Variants in SYDE1 observed in about 807,000 individuals in gnomAD.
The protein encoded by SYDE1 is synapse defective Rho GTPase activating protein 1, also known as rho GTPase-activating protein SYDE1.
Under a neutral mutation model 63.3 loss-of-function variants are expected in SYDE1, and 34 were observed. The observed-to-expected ratio is 0.54, with a 90% CI of 0.41 to 0.71. The LOEUF is 0.71. SYDE1 is among the 30% of genes least tolerant of loss of function. The pLI is 0.00. For synonymous variants in SYDE1, 467 were observed against 473.4 expected (o/e 0.99, Z 0.18); for missense variants, 925 against 1,042.5 (o/e 0.89, Z 1.55).
At position 15,110,013 on chromosome 19, in the gene SYDE1, C is replaced by T; in HGVS notation, c.740C>T (p.Ser247Phe). 6.7e-7 allele frequency: 1 copy of T among 1,503,074 alleles called. No homozygotes were observed. Among genetic ancestry groups the T allele is most frequent in the Non-Finnish European group, 8.8e-7 (1 of 1,134,180 alleles). 93.1% of individuals were successfully genotyped at this position (1,503,074 alleles called of 1,614,324 possible). The change falls in exon 3 of 8, where the codon TCC (serine) becomes TTC (phenylalanine). Residue 247 changes from serine (S) to phenylalanine (F), a missense_variant. By Grantham distance (155) the Ser-to-Phe change is radical. This residue lies in a region of SYDE1 where 599 missense variants were observed against 653.7 expected (regional missense o/e 0.92). Coordinates refer to ENST00000342784, the MANE Select transcript of SYDE1 (RefSeq NM_033025.6). The surrounding 1 kb of genome is among the most constrained non-coding windows in gnomAD (Gnocchi z 6.9). ...ERPAGPPSPT[S>F]FRPYEVGPAA... ...CCAGCTGGGCCCCCATCACCCACCT[C>T]CTTCCGGCCCTACGAGGTGGGTCCC...
chr19:15,109,757 C>A lies in SYDE1; in HGVS notation c.484C>A (p.Pro162Thr), dbSNP rs1263075586. 4.6e-6 allele frequency: 7 copies of A among 1,537,340 alleles called. No homozygotes were observed. Among genetic ancestry groups the A allele is most frequent in the South Asian group, 1.2e-5 (1 of 83,858 alleles). Residue 162 changes from proline to threonine, a missense_variant, in exon 3 of 8, where the codon CCC becomes ACC. This residue lies in a region of SYDE1 where 599 missense variants were observed against 653.7 expected (regional missense o/e 0.92). Transcript: ENST00000342784. The surrounding 1 kb of genome is among the most constrained non-coding windows in gnomAD (Gnocchi z 5.0). ...TKASRTKSPG[P>T]ARRLSIKMKK... ...AGCCTCCCGCACCAAGTCCCCGGGC[C>A]CCGCCAGGCGCCTCTCCATAAAGAT... is the stretch of plus-strand genomic sequence containing the variant.
Position 15,111,944 on chromosome 19 carries a change from T to G in SYDE1, c.1578+152T>G. On this transcript the variant is annotated intron_variant, in intron 6 of 7. Coordinates refer to ENST00000342784, the MANE Select transcript of SYDE1 (RefSeq NM_033025.6). This position sits in a 1 kb window ranked among gnomAD's most constrained non-coding sequence, Gnocchi z 5.5. ...CTATTAGCATCCCACTTCATAGATTTGGAAACTGAGGCCCAAAGCAGGTGA... is the reference window on the plus strand; with the variant it reads ...CTATTAGCATCCCACTTCATAGATTGGGAAACTGAGGCCCAAAGCAGGTGA... 1.2e-6 allele frequency: 1 copy of G among 860,362 alleles called. No individual in the cohort carries two copies. The highest frequency in any genetic ancestry group is 2.0e-5 in the South Asian group (1 of 50,864). 53.3% of individuals were successfully genotyped at this position (860,362 alleles called of 1,614,324 possible).
chr19:15,110,948 C>T lies in SYDE1; in HGVS notation c.1290+213C>T, dbSNP rs1191050830. Among the ~76,000 whole-genome samples the T allele has an allele frequency of 1.3e-5, 2 of 152,162 alleles. No individual in the cohort carries two copies. Among genetic ancestry groups the T allele is most frequent in the African/African-American group, 2.4e-5 (1 of 41,434 alleles). ...TTGATTTAAAAACAGGATCCAAGCC[C>T]TCCTGGGGCTCAGAGTCTGATGGGG... On this transcript the variant is annotated intron_variant, in intron 4 of 7. Coordinates refer to ENST00000342784, the MANE Select transcript of SYDE1 (RefSeq NM_033025.6). The surrounding 1 kb of genome is among the most constrained non-coding windows in gnomAD (Gnocchi z 6.9).
chr19:15,111,497 GCCTTGGGGCT>G lies in SYDE1; in HGVS notation c.1417+62_1417+71del. ...CCCCCATTCAATGCCTCACTTCAAG[GCCTTGGGGCT>G]CCTCTGGGACCTCAGTCCTCCTATC... On this transcript the variant is annotated intron_variant, in intron 5 of 7. Transcript: ENST00000342784. The surrounding 1 kb of genome is among the most constrained non-coding windows in gnomAD (Gnocchi z 5.5). 6.2e-7 allele frequency: 1 copy of G among 1,605,438 alleles called. No homozygotes were observed. Among genetic ancestry groups the G allele is most frequent in the Non-Finnish European group, 8.5e-7 (1 of 1,174,168 alleles).
rs1438365048 is a variant in SYDE1, at chr19:15,110,467, C to T, written c.1076-54C>T. 1 of 1,516,158 alleles carries T rather than the reference C, an allele frequency of 6.6e-7. No individual in the cohort carries two copies. The allele number at this position is 1,516,158 out of a possible 1,614,324, so 93.9% of individuals were successfully genotyped here. A position where few individuals can be genotyped will look rare whatever the true frequency, so the allele number is the denominator to read the frequency against. On this transcript the variant is annotated intron_variant, in intron 3 of 7. Coordinates refer to ENST00000342784, the MANE Select transcript of SYDE1 (RefSeq NM_033025.6). This position sits in a 1 kb window ranked among gnomAD's most constrained non-coding sequence, Gnocchi z 6.9. ...AAGGTGTGGCCTGGAGCAGCGAGGCCAGGGTACATGAAGCTTCAGAGCACA... is the reference window on the plus strand; with the variant it reads ...AAGGTGTGGCCTGGAGCAGCGAGGCTAGGGTACATGAAGCTTCAGAGCACA...
chr19:15,112,243 G>C (rs2046349746), intron 6 of SYDE1, 103 bp from the exon 7 acceptor site: 4 of 704,106 alleles, frequency 5.7e-6, no homozygotes, highest in South Asian at 3.7e-5. Flanking sequence ...CCAGCTATGA[G>C]ACTGTGAACC....
intron 1 of SYDE1, 78 bp downstream of exon 1, chr19:15,107,599 A>G (rs1201722977): frequency 2.0e-6 from 2 of 1,004,608 alleles, no homozygotes; most frequent in Non-Finnish European, 2.8e-6. Context: ...CCCCGAGGAC[A>G]GACGGTGGGG....
chr19:15,108,067 AC>A lies in SYDE1; in HGVS notation c.88+547del, dbSNP rs1191120265. On this transcript the variant is annotated intron_variant, in intron 1 of 7. Coordinates refer to ENST00000342784, the MANE Select transcript of SYDE1 (RefSeq NM_033025.6). This position sits in a 1 kb window ranked among gnomAD's most constrained non-coding sequence, Gnocchi z 4.3. The stretch of plus-strand genomic sequence containing the variant: ...TTTATACAGATGGGGAAACTGAGGC[AC>A]GGAGCAATTGGGTCATGTGCCCAGG... Among the ~76,000 whole-genome samples, 1 of 152,204 alleles carries A rather than the reference AC, an allele frequency of 6.6e-6. No homozygotes were observed. The highest frequency in any genetic ancestry group is 1.5e-5 in the Non-Finnish European group (1 of 68,038).
Position 15,108,890 on chromosome 19 carries a change from G to A in SYDE1, c.89-166G>A. Reference sequence around the variant, plus strand: ...TCTAAGCTGATAACTGAGATCGCTAGCCTGTGGCTGCCTATTCCAAACAAA... The same window carrying A: ...TCTAAGCTGATAACTGAGATCGCTAACCTGTGGCTGCCTATTCCAAACAAA... On this transcript the variant is annotated intron_variant, in intron 1 of 7. Coordinates refer to ENST00000342784, the MANE Select transcript of SYDE1 (RefSeq NM_033025.6). The surrounding 1 kb of genome is among the most constrained non-coding windows in gnomAD (Gnocchi z 4.3). 3.5e-6 allele frequency: 4 copies of A among 1,130,422 alleles called. No homozygotes were observed. The highest frequency in any genetic ancestry group is 2.0e-5 in the South Asian group (1 of 50,372). The allele number at this position is 1,130,422 out of a possible 1,614,324, so 70.0% of individuals were successfully genotyped here. A position where few individuals can be genotyped will look rare whatever the true frequency, so the allele number is the denominator to read the frequency against.
chr19:15,108,944 T>A lies in SYDE1; in HGVS notation c.89-112T>A. 1 of 1,406,542 alleles carries A rather than the reference T, an allele frequency of 7.1e-7. No homozygotes were observed. The highest frequency in any genetic ancestry group is 9.2e-7 in the Non-Finnish European group (1 of 1,083,298). 87.1% of individuals were successfully genotyped at this position (1,406,542 alleles called of 1,614,324 possible). ...GCAGGATCCAAGGAACCATGACTTA[T>A]CAGGGGCCGGCCAGGGCCGTACACA... is the stretch of plus-strand genomic sequence containing the variant. On this transcript the variant is annotated intron_variant, in intron 1 of 7. Coordinates refer to ENST00000342784, the MANE Select transcript of SYDE1 (RefSeq NM_033025.6). This position sits in a 1 kb window ranked among gnomAD's most constrained non-coding sequence, Gnocchi z 4.3.
At position 15,109,154 on chromosome 19, in the gene SYDE1, G is replaced by A. The variant is rs1467227994; in HGVS notation, c.187G>A (p.Ala63Thr). 2 of 1,552,354 alleles carry A rather than the reference G, an allele frequency of 1.3e-6. No homozygotes were observed. The highest frequency in any genetic ancestry group is 2.0e-5 in the Admixed American group (1 of 51,038). The change falls in exon 2 of 8, where the codon GCA becomes ACA. Residue 63 changes from alanine to threonine, a missense_variant. Transcript: ENST00000342784. The surrounding 1 kb of genome is among the most constrained non-coding windows in gnomAD (Gnocchi z 5.0). ...AGCAGAGGGGCCCTCCAGCCCCGAG[G>A]CATCAAGGAGCCCTGCACGGGGAGC... The part of the protein sequence containing the change: ...AGAEGPSSPE[A>T]SRSPARGAYL...
At position 15,111,901 on chromosome 19, in the gene SYDE1, A is replaced by G; in HGVS notation, c.1578+109A>G. The G allele has an allele frequency of 8.8e-7, 1 of 1,133,050 alleles. No individual in the cohort carries two copies. Among genetic ancestry groups the G allele is most frequent in the South Asian group, 1.7e-5 (1 of 60,274 alleles). 70.2% of individuals were successfully genotyped at this position (1,133,050 alleles called of 1,614,324 possible). A position where few individuals can be genotyped will look rare whatever the true frequency, so the allele number is the denominator to read the frequency against. ...GGGCATGAGCTGGCAGCATCATCAT[A>G]TCCCCAAGAAATAGGTGCTATTAGC... is the stretch of plus-strand genomic sequence containing the variant. On this transcript the variant is annotated intron_variant, in intron 6 of 7. Transcript: ENST00000342784. This position sits in a 1 kb window ranked among gnomAD's most constrained non-coding sequence, Gnocchi z 5.5.
At position 15,110,580 on chromosome 19, in the gene SYDE1, C is replaced by G. The variant is rs779245333; in HGVS notation, c.1135C>G (p.Leu379Val). Reference sequence around the variant, plus strand: ...GCCTCAGGGGCTGCTGTATGCCAAGCTGACCCTGTCGGAGCAGCAGGAAGC... The same window carrying G: ...GCCTCAGGGGCTGCTGTATGCCAAGGTGACCCTGTCGGAGCAGCAGGAAGC... ...LEPQGLLYAK[L>V]TLSEQQEAPA... The change falls in exon 4 of 8, where the codon CTG (leucine) becomes GTG (valine). Residue 379 changes from leucine (L) to valine (V), a missense_variant. Coordinates refer to ENST00000342784, the MANE Select transcript of SYDE1 (RefSeq NM_033025.6). The surrounding 1 kb of genome is among the most constrained non-coding windows in gnomAD (Gnocchi z 6.9). 3 of 1,597,666 alleles carry G rather than the reference C, an allele frequency of 1.9e-6. No individual in the cohort carries two copies. Among genetic ancestry groups the G allele is most frequent in the Admixed American group, 3.4e-5 (2 of 58,680 alleles).
At position 15,109,710 on chromosome 19, in the gene SYDE1, C is replaced by A. The variant is rs969260991; in HGVS notation, c.437C>A (p.Ala146Asp). The change falls in exon 3 of 8, where the codon GCC (alanine) becomes GAC (aspartate). Residue 146 changes from alanine (A) to aspartate (D), a missense_variant. Physicochemically the swap from Ala to Asp is moderately radical, Grantham distance 126. This residue lies in a region of SYDE1 where 599 missense variants were observed against 653.7 expected (regional missense o/e 0.92). Transcript: ENST00000342784. The surrounding 1 kb of genome is among the most constrained non-coding windows in gnomAD (Gnocchi z 5.0). ...AAGTCTGCTCTCCACACAGGTGCAG[C>A]CCCCGCCAGCCCCCCAACCAAAGCC... ...ESEGLAPQGAAPASPPTKASR... is the reference protein window; with the variant it reads ...ESEGLAPQGADPASPPTKASR... 1.3e-6 allele frequency: 2 copies of A among 1,501,324 alleles called. No individual in the cohort carries two copies. The highest frequency in any genetic ancestry group is 1.8e-6 in the Non-Finnish European group (2 of 1,122,694). 93.0% of individuals were successfully genotyped at this position (1,501,324 alleles called of 1,614,324 possible).
At position 15,109,727 on chromosome 19, in the gene SYDE1, A is replaced by T; in HGVS notation, c.454A>T (p.Thr152Ser). 1 of 1,520,844 alleles carries T rather than the reference A, an allele frequency of 6.6e-7. No homozygotes were observed. The highest frequency in any genetic ancestry group is 1.2e-5 in the South Asian group (1 of 81,686). 94.2% of individuals were successfully genotyped at this position (1,520,844 alleles called of 1,614,324 possible). ...AGGTGCAGCCCCCGCCAGCCCCCCA[A>T]CCAAAGCCTCCCGCACCAAGTCCCC... ...PQGAAPASPP[T>S]KASRTKSPGP... The change falls in exon 3 of 8, where the codon ACC becomes TCC. Residue 152 changes from threonine to serine, a missense_variant. Around this residue, in one of 3 missense-constraint regions of SYDE1, gnomAD observed 599 missense variants for 653.7 expected, o/e 0.92. Coordinates refer to ENST00000342784, the MANE Select transcript of SYDE1 (RefSeq NM_033025.6). The surrounding 1 kb of genome is among the most constrained non-coding windows in gnomAD (Gnocchi z 5.0).
chr19:15,114,274 C>G lies in SYDE1; in HGVS notation c.*311C>G, dbSNP rs1568330798. On this transcript the variant is annotated 3_prime_UTR_variant, in exon 8 of 8. Coordinates refer to ENST00000342784, the MANE Select transcript of SYDE1 (RefSeq NM_033025.6). ...TAGTTCTCGCGCTTGCTAGGCTGGC[C>G]TCTCTTGCCTCCCCTTGGCCGGGGC... is the stretch of plus-strand genomic sequence containing the variant. The G allele has an allele frequency of 1.4e-5, 5 of 359,628 alleles. No individual in the cohort carries two copies. Among genetic ancestry groups the G allele is most frequent in the Admixed American group, 4.5e-5 (1 of 22,318 alleles). The allele number at this position is 359,628 out of a possible 1,614,324, so 22.3% of individuals were successfully genotyped here.
Position 15,109,432 on chromosome 19 carries a change from G to A in SYDE1, c.430+35G>A, listed in dbSNP as rs377399971. On this transcript the variant is annotated intron_variant, in intron 2 of 7. Transcript: ENST00000342784. This position sits in a 1 kb window ranked among gnomAD's most constrained non-coding sequence, Gnocchi z 5.0. Reference sequence around the variant, plus strand: ...AGCTTCCCATCCCCTTCCCCAAGGTGAGCACCAGCTCCACATCCCTTCCCT... The same window carrying A: ...AGCTTCCCATCCCCTTCCCCAAGGTAAGCACCAGCTCCACATCCCTTCCCT... 2.0e-6 allele frequency: 3 copies of A among 1,504,006 alleles called. No homozygotes were observed. Among genetic ancestry groups the A allele is most frequent in the Admixed American group, 2.4e-5 (1 of 42,526 alleles). 93.2% of individuals were successfully genotyped at this position (1,504,006 alleles called of 1,614,324 possible).
At position 15,113,802 on chromosome 19, in the gene SYDE1, A is replaced by G; in HGVS notation, c.2047A>G (p.Ser683Gly). 1.2e-6 allele frequency: 2 copies of G among 1,614,122 alleles called. No individual in the cohort carries two copies. The highest frequency in any genetic ancestry group is 1.3e-5 in the African/African-American group (1 of 75,068). Residue 683 changes from serine (S) to glycine (G), a missense_variant, in exon 8 of 8, where the codon AGC (serine) becomes GGC (glycine). Coordinates refer to ENST00000342784, the MANE Select transcript of SYDE1 (RefSeq NM_033025.6). The stretch of plus-strand genomic sequence containing the variant: ...CTACGACCACGTGACGGGCAGTGAC[A>G]GCGAGGACGAGGACGAGGAGGTCGG... Reference protein sequence around the residue: ...PDYDHVTGSDSEDEDEEVGEP... With the variant: ...PDYDHVTGSDGEDEDEEVGEP...
rs2046351392 is a variant in SYDE1 at position 15,112,454 on chromosome 19, C to T, written c.1687C>T (p.Pro563Ser). 3 of 1,603,462 alleles carry T rather than the reference C, an allele frequency of 1.9e-6. No homozygotes were observed. The highest frequency in any genetic ancestry group is 1.7e-5 in the Admixed American group (1 of 58,164). The part of the protein sequence containing the change: ...LAVCFGPVLL[P>S]ARQAPTRPRA... The stretch of plus-strand genomic sequence containing the variant: ...CGTGTGCTTCGGGCCTGTGCTGCTG[C>T]CGGCACGCCAGGCGCCCACAAGGCC... Residue 563 changes from proline (P) to serine (S), a missense_variant, in exon 7 of 8, where the codon CCG (proline) becomes TCG (serine). By Grantham distance (74) the Pro-to-Ser change is moderately conservative (BLOSUM62 -1). Around this residue, in one of 3 missense-constraint regions of SYDE1, gnomAD observed 255 missense variants for 255.9 expected, o/e 1.00. Transcript: ENST00000342784.
Sources: allele counts gnomAD v4.1 joint callset (sites outside exome capture counted in the v4.1 genomes callset), GRCh38; gene constraint gnomAD v4.1.1; regional missense constraint gnomAD v4.1.1; non-coding constraint Gnocchi (gnomAD v3.1); transcripts MANE v1.5; gene names NCBI Gene and HGNC (gene_info 2026-07-23, HGNC 2026-07-21).